The following PTPRZ1 variants were observed in gnomAD, a reference collection of about 807,000 sequenced individuals.
The protein encoded by PTPRZ1 is protein tyrosine phosphatase receptor type Z1, also known as receptor-type tyrosine-protein phosphatase zeta.
In PTPRZ1, 82 loss-of-function variants were observed where a neutral mutation model predicts 214.1. The observed-to-expected ratio is 0.38, with a 90% CI of 0.32 to 0.46. PTPRZ1 has a LOEUF of 0.46. PTPRZ1 is among the 20% of genes least tolerant of loss of function. The probability of loss-of-function intolerance (pLI) is 1.00; values close to 1 mark genes in which losing one functional copy is unlikely to be tolerated. For synonymous variants in PTPRZ1, 945 were observed against 987.9 expected (o/e 0.96, Z 0.81); for missense variants, 2,603 against 2,748.7 (o/e 0.95, Z 1.19).
chr7:122,054,075 A>T, intron 26 of PTPRZ1, 37 bp downstream of exon 26: 2 of 1,607,402 alleles, frequency 1.2e-6, no homozygotes, highest in South Asian at 2.2e-5. Flanking sequence ...CTTCCTTTAC[A>T]GAGGAATATC....
chr7:121,963,677 A>G (rs1420746813), intron 2 of PTPRZ1, among the ~76,000 whole-genome samples: 1 of 152,118 alleles, frequency 6.6e-6, no homozygotes, highest in East Asian at 1.9e-4. Flanking sequence ...CAAAATATGC[A>G]TGCTCTCTAG....
Position 122,013,687 on chromosome 7 carries a change from A to G in PTPRZ1, c.4641A>G (p.Glu1547=), listed in dbSNP as rs1394713871. Residue 1547 remains glutamate, a synonymous_variant, in exon 12 of 30, where the codon GAA becomes GAG. Coordinates refer to ENST00000393386, the MANE Select transcript of PTPRZ1 (RefSeq NM_002851.3). ...SKAWAVLTSD[E]ESGSGQGTSD... ...CATGGGCAGTTCTGACAAGTGATGA[A>G]GAAAGTGGATCAGGGCAAGGTACCT... 4 of 1,614,214 alleles carry G rather than the reference A, an allele frequency of 2.5e-6. No individual in the cohort carries two copies. The Admixed American group carries it at 6.7e-5, about 27-fold the overall frequency.
chr7:121,893,432 A>G (rs562902269), intron 1 of PTPRZ1, among the ~76,000 whole-genome samples: 1 of 152,242 alleles, frequency 6.6e-6, no homozygotes, highest in Non-Finnish European at 1.5e-5. Context: ...ACTCTCTTCC[A>G]TATTTCCTGG....
intron 2 of PTPRZ1, chr7:121,966,904 C>T (rs1278775889): frequency 6.6e-6 from 1 of 152,080 alleles, no homozygotes; most frequent in Admixed American, 6.6e-5. Flanking sequence ...TGGCCTTACC[C>T]GTTCTCATTT....
At position 122,052,611 on chromosome 7, in the gene PTPRZ1, T is replaced by TC. The variant is rs1446109456; in HGVS notation, c.6252+673dup. 2.0e-5 allele frequency among the ~76,000 whole-genome samples: 3 copies of TC among 152,274 alleles called. No individual in the cohort carries two copies. In the East Asian group the frequency reaches 5.8e-4, roughly 29 times the overall value. ...GTGTGGTAGTGGCATCTAAATACAT[T>TC]CACATTTCAAATGAGCCACTGGGTG... On this transcript the variant is annotated intron_variant, in intron 25 of 29. Transcript: ENST00000393386.
chr7:121,900,686 C>T (rs1251731184), intron 1 of PTPRZ1, among the ~76,000 whole-genome samples: 1 of 152,194 alleles, frequency 6.6e-6, no homozygotes, highest in East Asian at 1.9e-4. Flanking sequence ...TCCTGCCTGG[C>T]TCTAAATCTT....
chr7:122,023,324 G>A (rs1033384569), intron 13 of PTPRZ1, among the ~76,000 whole-genome samples: 2 of 150,934 alleles, frequency 1.3e-5, no homozygotes, highest in African/African-American at 4.9e-5. Context: ...CCCGGCATTT[G>A]CTATATGGCC....
chr7:122,024,263 AT>A (rs1799139554), intron 13 of PTPRZ1, among the ~76,000 whole-genome samples: 1 of 152,046 alleles, frequency 6.6e-6, no homozygotes, highest in Admixed American at 6.6e-5. Flanking sequence ...TTTAAGGCAA[AT>A]TTTTGAAAGC....
intron 1 of PTPRZ1, among the ~76,000 whole-genome samples, chr7:121,885,441 A>T (rs740966): frequency 3.9e-5 from 6 of 152,308 alleles, no homozygotes; most frequent in Non-Finnish European, 8.8e-5. Context: ...GTGAAATCAC[A>T]TTTAATTAGC....
Position 121,997,906 on chromosome 7 carries a change from C to G in PTPRZ1, c.1140C>G (p.Pro380=). ...GTGCTATTCTCAATAATTTGCTACC[C>G]AATATGAGTTATGTTCTTCAGATAG... ...DLGAILNNLL[P]NMSYVLQIVA... is the part of the protein sequence containing the mutation. The change falls in exon 10 of 30, where the codon CCC becomes CCG. Residue 380 remains proline, a synonymous_variant. Coordinates refer to ENST00000393386, the MANE Select transcript of PTPRZ1 (RefSeq NM_002851.3). The G allele has an allele frequency of 6.2e-7, 1 of 1,608,956 alleles. No homozygotes were observed. The highest frequency in any genetic ancestry group is 8.5e-7 in the Non-Finnish European group (1 of 1,176,232).
intron 13 of PTPRZ1, among the ~76,000 whole-genome samples, chr7:122,022,759 C>A (rs1799056131): frequency 6.6e-6 from 1 of 152,178 alleles, no homozygotes; most frequent in African/African-American, 2.4e-5. Context: ...CATGGATTTA[C>A]TCCTAGATTT....
intron 1 of PTPRZ1, among the ~76,000 whole-genome samples, chr7:121,902,448 A>G (rs1173560897): frequency 6.6e-6 from 1 of 152,208 alleles, no homozygotes; most frequent in Admixed American, 6.5e-5. Flanking sequence ...GCTTTCTTCC[A>G]AAATGGCTAT....
At chr7:121,996,352 A>T in intron 8 of PTPRZ1, 30 bp from the exon 9 acceptor site, 1 of 1,533,676 alleles carries the variant, frequency 6.5e-7, no homozygotes, top group East Asian at 2.3e-5. Flanking sequence ...GCTAAGTTCT[A>T]TCAACAACTG....
chr7:122,037,004 G>A (rs906710769), intron 18 of PTPRZ1, among the ~76,000 whole-genome samples: 4 of 149,910 alleles, frequency 2.7e-5, no homozygotes, highest in African/African-American at 9.8e-5. Context: ...TGGGCGCGGT[G>A]GCTCACGCCT....
chr7:121,990,613 G>T (rs1388853659), intron 8 of PTPRZ1, among the ~76,000 whole-genome samples: 1 of 143,652 alleles, frequency 7.0e-6, no homozygotes, highest in Non-Finnish European at 1.5e-5. Context: ...TCTACCTCCT[G>T]GGTTCAAGCG....
intron 26 of PTPRZ1, 56 bp downstream of exon 26, chr7:122,054,094 A>G: frequency 6.3e-7 from 1 of 1,578,874 alleles, no homozygotes; most frequent in African/African-American, 1.4e-5. Flanking sequence ...TCAGGTTACA[A>G]ACAGCAAAAA....
chr7:122,047,647 CT>C (rs533970486), intron 23 of PTPRZ1, among the ~76,000 whole-genome samples: 89 of 100,998 alleles, frequency 8.8e-4, no homozygotes, highest in Middle Eastern at 4.5e-3. Context: ...ACATATATTC[CT>C]TTTTTTTTTT....
At chr7:122,042,468 T>G in intron 21 of PTPRZ1, 140 bp from the exon 22 acceptor site, 1 of 772,292 alleles carries the variant, frequency 1.3e-6, no homozygotes, top group Non-Finnish European at 1.9e-6. Context: ...TTTACAATAT[T>G]GAATTGCCAA....
intron 1 of PTPRZ1, 124 bp from the exon 2 acceptor site, chr7:121,928,032 C>T: frequency 1.4e-6 from 1 of 711,906 alleles, no homozygotes; most frequent in Non-Finnish European, 2.5e-6. Context: ...TGAGAGAACA[C>T]ATTGAGAAGA....
Sources: gnomAD v4.1 joint callset for allele counts (sites outside exome capture counted in the v4.1 genomes callset) on GRCh38, gnomAD v4.1.1 for gene constraint, MANE v1.5 for transcripts, NCBI Gene and HGNC (gene_info 2026-07-23, HGNC 2026-07-21) for gene names.